WWOX: variants seen among roughly 807,000 people sequenced by gnomAD.
WWOX encodes WW domain-containing oxidoreductase.
Under a neutral mutation model 46.2 loss-of-function variants are expected in WWOX, and 69 were observed. The ratio of observed to expected loss-of-function variants is 1.49; its 90% CI spans 1.23 to 1.82. The LOEUF is 1.82. Ranked by LOEUF, WWOX falls within the 40% of genes most tolerant of loss-of-function variation. The pLI is 0.00. For missense variants in WWOX, 919 were observed against 542.6 expected, an observed-to-expected ratio of 1.69 and a Z score of -6.89; for synonymous variants, 359 against 202.6, an observed-to-expected ratio of 1.77 and a Z score of -6.56.
intron 8 of WWOX, among the ~76,000 whole-genome samples, chr16:79,200,542 G>T (rs953957978): frequency 3.3e-5 from 5 of 152,142 alleles, no homozygotes; most frequent in African/African-American, 1.2e-4. Context: ...CTGCCTGGTG[G>T]GGAGTGAGGA....
chr16:78,670,102 A>G (rs1354711131), intron 8 of WWOX, among the ~76,000 whole-genome samples: 1 of 151,928 alleles, frequency 6.6e-6, no homozygotes, highest in African/African-American at 2.4e-5. Flanking sequence ...CGGAAGCTCC[A>G]TCTTTGTTGT....
At chr16:79,200,570 G>A (rs140679407) in intron 8 of WWOX, among the ~76,000 whole-genome samples, 26 of 152,256 alleles carry the variant, frequency 1.7e-4, no homozygotes, top group African/African-American at 6.3e-4. Flanking sequence ...CGAATCAGAA[G>A]TAATAACAGG....
chr16:78,662,957 T>A (rs568512330), intron 8 of WWOX, among the ~76,000 whole-genome samples: 20 of 152,354 alleles, frequency 1.3e-4, no homozygotes, highest in African/African-American at 4.6e-4. Context: ...GGTGTTTTTT[T>A]AACTTAATCT....
At chr16:78,268,717 A>C (rs1053045424) in intron 5 of WWOX, among the ~76,000 whole-genome samples, 1 of 152,236 alleles carries the variant, frequency 6.6e-6, no homozygotes, top group Non-Finnish European at 1.5e-5. Context: ...AGGTAGAAAT[A>C]AGCTAAGCAA....
chr16:78,733,332 G>A lies in WWOX; in HGVS notation c.1056+300580G>A, dbSNP rs1418136851. ...TAGCTGAGTGTGATGTTGTGTGTCT[G>A]TAGTCTCAGCTTCCCAGAAGGTCAA... On this transcript the variant is annotated intron_variant, in intron 8 of 8. Transcript: ENST00000566780. Among the ~76,000 whole-genome samples the A allele has an allele frequency of 2.0e-5, 3 of 152,098 alleles. No homozygotes were observed. In the East Asian group the frequency reaches 5.8e-4, roughly 29 times the overall value.
chr16:79,147,125 A>T (rs1014907288), intron 8 of WWOX, among the ~76,000 whole-genome samples: 5 of 152,184 alleles, frequency 3.3e-5, no homozygotes, highest in African/African-American at 9.7e-5. Flanking sequence ...CTGTGTCTAC[A>T]TATGTAGTTT....
At chr16:78,398,596 G>T (rs550107832) in intron 6 of WWOX, among the ~76,000 whole-genome samples, 1 of 152,216 alleles carries the variant, frequency 6.6e-6, no homozygotes, top group African/African-American at 2.4e-5. Flanking sequence ...GGAATACTTC[G>T]GGGATGCTTT....
At chr16:78,815,753 G>T (rs1221609940) in intron 8 of WWOX, among the ~76,000 whole-genome samples, 1 of 152,204 alleles carries the variant, frequency 6.6e-6, no homozygotes, top group Non-Finnish European at 1.5e-5. Flanking sequence ...GCATCTGTCT[G>T]AGGCCAAGGA....
chr16:78,241,471 C>A (rs1279612876), intron 5 of WWOX, among the ~76,000 whole-genome samples: 18 of 152,020 alleles, frequency 1.2e-4, no homozygotes. Flanking sequence ...TCTTGTCACC[C>A]AGGCTGGAGT....
intron 8 of WWOX, among the ~76,000 whole-genome samples, chr16:78,887,455 A>T (rs931821916): frequency 4.2e-5 from 6 of 142,934 alleles, no homozygotes; most frequent in Non-Finnish European, 9.0e-5. Flanking sequence ...AATGAAGGCA[A>T]CAAAGTATAT....
At chr16:78,882,672 G>C (rs2044368525) in intron 8 of WWOX, among the ~76,000 whole-genome samples, 1 of 151,808 alleles carries the variant, frequency 6.6e-6, no homozygotes, top group Non-Finnish European at 1.5e-5. Context: ...ATTTTTAGTA[G>C]AGACAGGGGT....
chr16:78,543,912 T>G (rs1025506813), intron 8 of WWOX, among the ~76,000 whole-genome samples: 2 of 152,174 alleles, frequency 1.3e-5, no homozygotes, highest in Non-Finnish European at 2.9e-5. Context: ...ATCAATAAAC[T>G]AACATCTCAA....
At chr16:79,044,770 G>T (rs1214945848) in intron 8 of WWOX, among the ~76,000 whole-genome samples, 2 of 152,212 alleles carry the variant, frequency 1.3e-5, no homozygotes, top group Non-Finnish European at 2.9e-5. Context: ...AAAGAAGGCA[G>T]TGTCAGAGAA....
chr16:78,992,897 A>G (rs1405644854), intron 8 of WWOX, among the ~76,000 whole-genome samples: 6 of 152,014 alleles, frequency 3.9e-5, no homozygotes, highest in Non-Finnish European at 8.8e-5. Context: ...CCAATTTTTT[A>G]GTTTATGAAA....
chr16:79,115,518 G>T (rs1223360667), intron 8 of WWOX, among the ~76,000 whole-genome samples: 1 of 151,992 alleles, frequency 6.6e-6, no homozygotes, highest in East Asian at 1.9e-4. Context: ...CCACAAACTG[G>T]GAGAAACCAT....
At position 79,181,728 on chromosome 16, in the gene WWOX, G is replaced by C. The variant is rs548995538; in HGVS notation, c.1057-29880G>C. Among the ~76,000 whole-genome samples, 12 of 152,196 alleles carry C rather than the reference G, an allele frequency of 7.9e-5. No homozygotes were observed. The South Asian group carries it at 1.0e-3, about 13-fold the overall frequency. On this transcript the variant is annotated intron_variant, in intron 8 of 8. Transcript: ENST00000566780. The stretch of plus-strand genomic sequence containing the variant: ...CTTTTTCCTTCTTTTGACATACTTG[G>C]AGTTCTAGAAGTGGAATTACTGGGT...
At position 78,380,939 on chromosome 16, in the gene WWOX, G is replaced by T. The variant is rs796715158; in HGVS notation, c.517-5921G>T. 1.1e-4 allele frequency among the ~76,000 whole-genome samples: 17 copies of T among 152,238 alleles called. No individual in the cohort carries two copies. In the East Asian group the frequency reaches 3.3e-3, roughly 29 times the overall value. Reference sequence around the variant, plus strand: ...ATATTGAGAGCCCATTGTGTGGCTTGTACCTTATATTCACTCTATCTAATC... The same window carrying T: ...ATATTGAGAGCCCATTGTGTGGCTTTTACCTTATATTCACTCTATCTAATC... On this transcript the variant is annotated intron_variant, in intron 5 of 8. Coordinates refer to ENST00000566780, the MANE Select transcript of WWOX (RefSeq NM_016373.4).
chr16:79,206,857 C>G (rs1022912589), intron 8 of WWOX: 7 of 152,202 alleles, frequency 4.6e-5, no homozygotes, highest in African/African-American at 1.7e-4. Flanking sequence ...ACTTTATGAA[C>G]AAATGCAATT....
At chr16:78,422,006 T>C (rs1397477995) in intron 6 of WWOX, among the ~76,000 whole-genome samples, 1 of 152,208 alleles carries the variant, frequency 6.6e-6, no homozygotes, top group Non-Finnish European at 1.5e-5. Context: ...ATAGTATGAA[T>C]AAATATGCTA....
Sources: allele counts gnomAD v4.1 joint callset (sites outside exome capture counted in the v4.1 genomes callset), GRCh38; gene constraint gnomAD v4.1.1; transcripts MANE v1.5; gene names NCBI Gene and HGNC (gene_info 2026-07-23, HGNC 2026-07-21).